Variants in MYO7B observed in about 807,000 individuals in gnomAD.
MYO7B encodes the protein myosin VIIB, also known as unconventional myosin-VIIb.
MYO7B carries 212 observed loss-of-function variants against 259.7 expected under a neutral mutation model. The observed-to-expected ratio is 0.82, with a 90% confidence interval of 0.73 to 0.91. MYO7B has a LOEUF of 0.91. Ranked by LOEUF, MYO7B falls within the 40% of genes least tolerant of loss-of-function variation. The probability of loss-of-function intolerance (pLI) is 0.00; values close to 1 mark genes in which losing one functional copy is unlikely to be tolerated. For missense variants in MYO7B, 2,732 were observed against 2,813.5 expected, an observed-to-expected ratio of 0.97 and a Z score of 0.66; for synonymous variants, 1,197 against 1,166.4, an observed-to-expected ratio of 1.03 and a Z score of -0.54.
chr2:127,578,420 A>G, intron 9 of MYO7B, 134 bp downstream of exon 9: 1 of 1,195,878 alleles, frequency 8.4e-7, no homozygotes, highest in Non-Finnish European at 1.1e-6. Context: ...ATATCTAAAA[A>G]ATTCAGCTGT....
At chr2:127,620,214 G>A (rs1487991890) in intron 26 of MYO7B, 126 bp from the exon 27 acceptor site, 23 of 1,148,696 alleles carry the variant, frequency 2.0e-5, no homozygotes, top group Admixed American at 1.2e-4. Flanking sequence ...GCAGGGCCCC[G>A]GCGCTGGAGA....
rs773441885 is a variant in MYO7B at position 127,609,708 on chromosome 2, A to C, written c.3017A>C (p.Asp1006Ala). 1.2e-6 allele frequency: 2 copies of C among 1,613,782 alleles called. No individual in the cohort carries two copies. The highest frequency in any genetic ancestry group is 2.2e-5 in the South Asian group (2 of 91,054). ...YPLLYHEDDT[D>A]CLAALVIWNV... ...TTGCTTTACCACGAAGATGACACTG[A>C]CTGCTTGGTACCAGGGTTCACTGGC... Residue 1006 changes from aspartate (D) to alanine (A), a missense_variant, in exon 23 of 48, where the codon GAC becomes GCC. Physicochemically the swap from Asp to Ala is moderately radical, Grantham distance 126. Coordinates refer to ENST00000409816, the MANE Select transcript of MYO7B (RefSeq NM_001393586.1). This position sits in a 1 kb window ranked among gnomAD's most constrained non-coding sequence, Gnocchi z 6.9.
rs201508027 is a variant in MYO7B, at chr2:127,635,872, C to T, written c.5971C>T (p.Leu1991Phe). The change falls in exon 44 of 48, where the codon CTC becomes TTC. Residue 1991 changes from leucine to phenylalanine, a missense_variant. Physicochemically the swap from Leu to Phe is conservative, Grantham distance 22 (BLOSUM62 0). Transcript: ENST00000409816. ...CCTGAGGGAACTGGTGCCTGAGAAC[C>T]TCACACGCCTGATGTCCTCGGAGGA... Reference protein sequence around the residue: ...KILRELVPENLTRLMSSEEWK... With the variant: ...KILRELVPENFTRLMSSEEWK... The T allele has an allele frequency of 4.2e-5, 67 of 1,581,752 alleles. No individual in the cohort carries two copies. In the Admixed American group the frequency reaches 5.1e-4, roughly 12 times the overall value.
chr2:127,637,474 C>A lies in MYO7B; in HGVS notation c.*57C>A, dbSNP rs1001260647. ...CTTCCCGACCTCTAGCCTGGCGGCACCTTCCCAGGCCCTCTCAACCCAGGG... is the reference window on the plus strand; with the variant it reads ...CTTCCCGACCTCTAGCCTGGCGGCAACTTCCCAGGCCCTCTCAACCCAGGG... On this transcript the variant is annotated 3_prime_UTR_variant, in exon 48 of 48. Coordinates refer to ENST00000409816, the MANE Select transcript of MYO7B (RefSeq NM_001393586.1). 3 of 1,285,706 alleles carry A rather than the reference C, an allele frequency of 2.3e-6. No homozygotes were observed. The highest frequency in any genetic ancestry group is 3.2e-6 in the Non-Finnish European group (3 of 949,584). The allele number at this position is 1,285,706 out of a possible 1,614,324, so 79.6% of individuals were successfully genotyped here.
intron 18 of MYO7B, among the ~76,000 whole-genome samples, chr2:127,595,045 A>C (rs1326167511): frequency 6.6e-6 from 1 of 152,236 alleles, no homozygotes; most frequent in Non-Finnish European, 1.5e-5. Flanking sequence ...TTCAAAAAAA[A>C]GGGTATCAAC....
At chr2:127,560,282 C>A (rs2104847567) in intron 2 of MYO7B, among the ~76,000 whole-genome samples, 1 of 152,280 alleles carries the variant, frequency 6.6e-6, no homozygotes, top group South Asian at 2.1e-4. Context: ...TAGCCTTGGC[C>A]TCCCAAAGTG....
rs547787632 is a variant in MYO7B at position 127,634,103 on chromosome 2, C to A, written c.5512-73C>A. On this transcript the variant is annotated intron_variant, in intron 40 of 47. Coordinates refer to ENST00000409816, the MANE Select transcript of MYO7B (RefSeq NM_001393586.1). Reference sequence around the variant, plus strand: ...TTCATGAAGGAGCAAAAGTGCCAGGCTAGGAAGGCTCATCCTGGGCTGTAC... The same window carrying A: ...TTCATGAAGGAGCAAAAGTGCCAGGATAGGAAGGCTCATCCTGGGCTGTAC... The A allele has an allele frequency of 2.9e-4, 359 of 1,239,344 alleles. 3 individuals are homozygous for A. In the South Asian group the frequency reaches 4.3e-3, roughly 15 times the overall value. 76.8% of individuals were successfully genotyped at this position (1,239,344 alleles called of 1,614,324 possible).
chr2:127,583,958 T>A (rs76870472), intron 12 of MYO7B, among the ~76,000 whole-genome samples, 164 bp from the exon 13 acceptor site: 1 of 66,174 alleles, frequency 1.5e-5, no homozygotes. Flanking sequence ...GGAGAGAGAG[T>A]GTGCAGGAAT....
rs370863778 is a variant in MYO7B at position 127,565,281 on chromosome 2, C to T, written c.181C>T (p.Pro61Ser). The change falls in exon 4 of 48, where the codon CCC becomes TCC. Residue 61 changes from proline to serine, a missense_variant. Pro to Ser is a moderately conservative substitution (Grantham distance 74). This residue lies in a region of MYO7B where 1,906 missense variants were observed against 2,026.4 expected (regional missense o/e 0.94). Transcript: ENST00000409816. ...EDFGVLSPMH[P>S]NSVQGVDDMI... is the part of the protein sequence containing the mutation. ...CTTTGGTGTCCTCAGTCCCATGCAC[C>T]CCAACTCAGTCCAGGGTGTGGACGA... 2.5e-6 allele frequency: 4 copies of T among 1,613,876 alleles called. No individual in the cohort carries two copies. The African/African-American group carries it at 4.0e-5, about 16-fold the overall frequency.
intron 31 of MYO7B, among the ~76,000 whole-genome samples, chr2:127,625,792 G>A (rs542520589): frequency 6.6e-6 from 1 of 152,300 alleles, no homozygotes; most frequent in African/African-American, 2.4e-5. Flanking sequence ...GTGCTGGTCT[G>A]CACTGTGGTG....
rs189664659 is a variant in MYO7B, at chr2:127,593,882, G to T, written c.2244+238G>T. ...AGCCCAGCCTGTGGAAGCCCAGGAG[G>T]CTTCTCAGAGGGGTACCTAGGGCAA... On this transcript the variant is annotated intron_variant, in intron 18 of 47. Coordinates refer to ENST00000409816, the MANE Select transcript of MYO7B (RefSeq NM_001393586.1). Among the ~76,000 whole-genome samples the T allele has an allele frequency of 3.5e-3, 528 of 152,294 alleles. 2 individuals are homozygous for T. The highest frequency in any genetic ancestry group is 0.012 in the African/African-American group (505 of 41,564).
In MYO7B at chr2:127,611,488, C is replaced by T. The variant is rs1457916217; in HGVS notation, c.3193-762C>T. Among the ~76,000 whole-genome samples the T allele has an allele frequency of 2.6e-5, 4 of 152,180 alleles. No individual in the cohort carries two copies. The highest frequency in any genetic ancestry group is 4.4e-5 in the Non-Finnish European group (3 of 68,014). On this transcript the variant is annotated intron_variant, in intron 24 of 47. Coordinates refer to ENST00000409816, the MANE Select transcript of MYO7B (RefSeq NM_001393586.1). The surrounding 1 kb of genome is among the most constrained non-coding windows in gnomAD (Gnocchi z 5.4). ...TGTCCTGCATGTGTTTATTAAATAT[C>T]CATGACGTGCCCCAGACACAGAGCA...
In MYO7B at chr2:127,609,550, C is replaced by T. The variant is rs752415818; in HGVS notation, c.2859C>T (p.Asp953=). Residue 953 remains aspartate (D), a synonymous_variant, in exon 23 of 48, where the codon GAC becomes GAT. Coordinates refer to ENST00000409816, the MANE Select transcript of MYO7B (RefSeq NM_001393586.1). This position sits in a 1 kb window ranked among gnomAD's most constrained non-coding sequence, Gnocchi z 6.9. ...AGAAGCTGCTTGAGGTTGACCTGGACACAGTCCCCATGGCGGAGGAGCCTG... is the reference window on the plus strand; with the variant it reads ...AGAAGCTGCTTGAGGTTGACCTGGATACAGTCCCCATGGCGGAGGAGCCTG... ...KTQKLLEVDL[D]TVPMAEEPEE... is the part of the protein sequence containing the mutation. 8 of 1,613,940 alleles carry T rather than the reference C, an allele frequency of 5.0e-6. No homozygotes were observed. The highest frequency in any genetic ancestry group is 6.8e-6 in the Non-Finnish European group (8 of 1,179,850).
intron 19 of MYO7B, among the ~76,000 whole-genome samples, chr2:127,599,802 G>A (rs1010947879): frequency 2.0e-5 from 3 of 152,152 alleles, no homozygotes; most frequent in African/African-American, 7.2e-5. Flanking sequence ...CTTTCAATGT[G>A]GTGAGTTACG....
rs575516072 is a variant in MYO7B at position 127,628,034 on chromosome 2, T to A, written c.4461-338T>A. ...TAAACTGAAGCACGCCGAGGTTAGG[T>A]GGCTCAGAGTAAGCACATGGCAGAG... On this transcript the variant is annotated intron_variant, in intron 33 of 47. Coordinates refer to ENST00000409816, the MANE Select transcript of MYO7B (RefSeq NM_001393586.1). This position sits in a 1 kb window ranked among gnomAD's most constrained non-coding sequence, Gnocchi z 4.8. 1.9e-6 allele frequency: 1 copy of A among 519,572 alleles called. No homozygotes were observed. The highest frequency in any genetic ancestry group is 1.9e-5 in the African/African-American group (1 of 52,486). 32.2% of individuals were successfully genotyped at this position (519,572 alleles called of 1,614,324 possible). A position where few individuals can be genotyped will look rare whatever the true frequency, so the allele number is the denominator to read the frequency against.
At chr2:127,538,896 TCAG>T (rs1692896461) in intron 1 of MYO7B, among the ~76,000 whole-genome samples, 1 of 152,198 alleles carries the variant, frequency 6.6e-6, no homozygotes, top group Non-Finnish European at 1.5e-5. Flanking sequence ...AAATCTTGAC[TCAG>T]TCACCTACCA....
intron 18 of MYO7B, 41 bp from the exon 19 acceptor site, chr2:127,596,421 T>C (rs1392869713): frequency 3.4e-6 from 5 of 1,487,976 alleles, no homozygotes; most frequent in Non-Finnish European, 4.7e-6. Flanking sequence ...GGCTGTAGGG[T>C]GAGGGTGAGC....
chr2:127,574,939 T>C (rs1678800245), intron 7 of MYO7B, among the ~76,000 whole-genome samples: 1 of 152,214 alleles, frequency 6.6e-6, no homozygotes, highest in Admixed American at 6.5e-5. Flanking sequence ...GCAGAATTAA[T>C]GCACCTGTGT....
rs912149023 is a variant in MYO7B at position 127,611,101 on chromosome 2, G to A, written c.3192+1085G>A. Among the ~76,000 whole-genome samples the A allele has an allele frequency of 2.6e-5, 4 of 152,254 alleles. No individual in the cohort carries two copies. The highest frequency in any genetic ancestry group is 7.2e-5 in the African/African-American group (3 of 41,456). ...TGAAAGCTTGACAGCTGGAGGGGCT[G>A]CTCCTAAGAGGGCTCACTCACATGG... On this transcript the variant is annotated intron_variant, in intron 24 of 47. Coordinates refer to ENST00000409816, the MANE Select transcript of MYO7B (RefSeq NM_001393586.1). The surrounding 1 kb of genome is among the most constrained non-coding windows in gnomAD (Gnocchi z 5.4).
Sources: allele counts gnomAD v4.1 joint callset (sites outside exome capture counted in the v4.1 genomes callset), GRCh38; gene constraint gnomAD v4.1.1; regional missense constraint gnomAD v4.1.1; non-coding constraint Gnocchi (gnomAD v3.1); transcripts MANE v1.5; gene names NCBI Gene and HGNC (gene_info 2026-07-23, HGNC 2026-07-21).